Variants in NR5A2 observed in about 807,000 individuals in gnomAD.
NR5A2 encodes the protein CYP7A promoter-binding factor.
A neutral mutation model predicts 62.7 loss-of-function variants in NR5A2; 26 were observed. That is an observed-to-expected ratio of 0.41 (90% CI 0.30 to 0.58). The LOEUF (loss-of-function observed/expected upper bound fraction) is 0.58, where lower values mean the gene tolerates loss of function less well. Among genes scored for constraint, NR5A2 ranks in the 20% least tolerant of loss-of-function variants. The pLI, the probability that NR5A2 is intolerant of heterozygous loss-of-function variation, is 0.22. For missense variants in NR5A2, 541 were observed against 669.1 expected (o/e 0.81, Z 2.11); for synonymous variants, 246 against 241.7 (o/e 1.02, Z -0.16).
intron 6 of NR5A2, among the ~76,000 whole-genome samples, chr1:200,117,100 C>T (rs1305786414): frequency 6.6e-6 from 1 of 152,144 alleles, no homozygotes; most frequent in Non-Finnish European, 1.5e-5. Context: ...CTAAAGGGGA[C>T]ATCAGTTTAG....
chr1:200,168,190 G>A (rs1301140251), intron 7 of NR5A2, among the ~76,000 whole-genome samples: 1 of 150,606 alleles, frequency 6.6e-6, no homozygotes, highest in African/African-American at 2.4e-5. Context: ...TACATATATA[G>A]TATATACACT....
chr1:200,107,182 CA>C (rs1665719303), intron 5 of NR5A2, among the ~76,000 whole-genome samples: 2 of 152,000 alleles, frequency 1.3e-5, no homozygotes, highest in Admixed American at 6.6e-5. Flanking sequence ...ATTCTACAAA[CA>C]AACAATGAAA....
At chr1:200,099,884 G>A (rs961355582) in intron 5 of NR5A2, among the ~76,000 whole-genome samples, 7 of 152,104 alleles carry the variant, frequency 4.6e-5, no homozygotes, top group African/African-American at 1.2e-4. Context: ...GAGCCACCGC[G>A]CCTGGCCACA....
At chr1:200,078,458 A>G (rs1280724665) in intron 5 of NR5A2, among the ~76,000 whole-genome samples, 1 of 152,220 alleles carries the variant, frequency 6.6e-6, no homozygotes, top group Non-Finnish European at 1.5e-5. Flanking sequence ...AGGGAGGACT[A>G]TGTTAAAGTC....
intron 7 of NR5A2, among the ~76,000 whole-genome samples, chr1:200,170,390 A>G (rs188990386): frequency 1.7e-3 from 263 of 152,342 alleles, no homozygotes; most frequent in Non-Finnish European, 2.5e-3. Flanking sequence ...TTCATGAAAA[A>G]GTATGCATTT....
chr1:200,041,000 A>G (rs1215472679), intron 2 of NR5A2, among the ~76,000 whole-genome samples: 3 of 152,114 alleles, frequency 2.0e-5, no homozygotes, highest in Admixed American at 6.5e-5. Context: ...TCTGGCTGCT[A>G]TGGGAACCCG....
At chr1:200,066,586 A>ATTTTTTTTTTTTTT (rs1663480896) in intron 5 of NR5A2, among the ~76,000 whole-genome samples, 15 of 87,758 alleles carry the variant, frequency 1.7e-4, no homozygotes, top group African/African-American at 3.8e-4. Flanking sequence ...TTAATTAATT[A>ATTTTTTTTTTTTTT]TCTTTTTTTT....
chr1:200,151,441 A>T (rs925308322), intron 7 of NR5A2, among the ~76,000 whole-genome samples: 1 of 152,212 alleles, frequency 6.6e-6, no homozygotes, highest in Admixed American at 6.5e-5. Context: ...CTACAGAAAA[A>T]TCAATAGCGA....
At position 200,149,682 on chromosome 1, in the gene NR5A2, C is replaced by T. The variant is rs77639582; in HGVS notation, c.1379-24281C>T. On this transcript the variant is annotated intron_variant, in intron 7 of 7. Coordinates refer to ENST00000367362, the MANE Select transcript of NR5A2 (RefSeq NM_205860.3). The stretch of plus-strand genomic sequence containing the variant: ...AATAGCACACACTCAGAAAACCATA[C>T]GCCAGCAGTGTGTGTGCATCACAAT... Among the ~76,000 whole-genome samples, 1,109 of 152,290 alleles carry T rather than the reference C, an allele frequency of 7.3e-3. 16 individuals are homozygous for T. Among genetic ancestry groups the T allele is most frequent in the African/African-American group, 0.025 (1,040 of 41,558 alleles).
At chr1:200,092,324 T>C (rs1442775774) in intron 5 of NR5A2, among the ~76,000 whole-genome samples, 2 of 152,230 alleles carry the variant, frequency 1.3e-5, no homozygotes, top group Non-Finnish European at 2.9e-5. Context: ...TAAGTTTTTG[T>C]AGTCATCTTT....
intron 5 of NR5A2, among the ~76,000 whole-genome samples, chr1:200,102,792 A>G (rs1202256126): frequency 1.3e-5 from 2 of 152,228 alleles, no homozygotes; most frequent in African/African-American, 2.4e-5. Context: ...AAATCCATTA[A>G]TGCAGGTTAA....
At chr1:200,140,235 T>TTTTC (rs1017884693) in intron 7 of NR5A2, among the ~76,000 whole-genome samples, 10 of 152,072 alleles carry the variant, frequency 6.6e-5, no homozygotes, top group Non-Finnish European at 2.9e-5. Context: ...GTGCTTCTTA[T>TTTTC]TTTCTTTCTT....
intron 6 of NR5A2, among the ~76,000 whole-genome samples, chr1:200,114,341 GA>G (rs956559043): frequency 1.4e-5 from 2 of 144,182 alleles, no homozygotes; most frequent in African/African-American, 2.9e-5. Flanking sequence ...AGAAAAAAAA[GA>G]AAAAAAGAAC....
intron 5 of NR5A2, among the ~76,000 whole-genome samples, chr1:200,072,392 T>C (rs1370497250): frequency 1.3e-5 from 2 of 152,196 alleles, no homozygotes; most frequent in Non-Finnish European, 2.9e-5. Flanking sequence ...TGCTTCAGTA[T>C]CTAAGACAAA....
chr1:200,108,139 C>T (rs538088561), intron 5 of NR5A2, among the ~76,000 whole-genome samples: 2 of 148,258 alleles, frequency 1.3e-5, no homozygotes, highest in African/African-American at 5.1e-5. Flanking sequence ...TGTCACCCAG[C>T]CTGGAATGCA....
intron 5 of NR5A2, among the ~76,000 whole-genome samples, chr1:200,079,310 A>C (rs1293120762): frequency 6.6e-6 from 1 of 152,236 alleles, no homozygotes; most frequent in Non-Finnish European, 1.5e-5. Context: ...TGCCTGCATA[A>C]GTCACAGTGC....
chr1:200,068,877 T>C (rs1340726134), intron 5 of NR5A2, among the ~76,000 whole-genome samples: 2 of 152,194 alleles, frequency 1.3e-5, no homozygotes. Context: ...TTTGGTAAAA[T>C]AGGATTTAAG....
chr1:200,052,215 A>G (rs144523750), intron 5 of NR5A2, among the ~76,000 whole-genome samples: 9 of 152,332 alleles, frequency 5.9e-5, no homozygotes, highest in Non-Finnish European at 1.2e-4. Context: ...AACTCCGGAA[A>G]AAGGTCTCTT....
At chr1:200,118,718 A>G (rs765141833) in intron 6 of NR5A2, among the ~76,000 whole-genome samples, 22 of 152,264 alleles carry the variant, frequency 1.4e-4, no homozygotes, top group Non-Finnish European at 3.1e-4. Context: ...AATTTATAGC[A>G]TAGGCACCTT....
Sources: gnomAD v4.1 joint callset for allele counts (sites outside exome capture counted in the v4.1 genomes callset) on GRCh38, gnomAD v4.1.1 for gene constraint, MANE v1.5 for transcripts, NCBI Gene and HGNC (gene_info 2026-07-23, HGNC 2026-07-21) for gene names.